The following PCDH15 variants were observed in gnomAD, a reference collection of about 807,000 sequenced individuals.
PCDH15 encodes the protein protocadherin-15.
PCDH15 carries 129 observed loss-of-function variants against 178.5 expected under a neutral mutation model. The observed-to-expected ratio is 0.72, with a 90% CI of 0.63 to 0.84. PCDH15 has a LOEUF of 0.84. Ranked by LOEUF, PCDH15 falls within the 40% of genes least tolerant of loss-of-function variation. The pLI, the probability that PCDH15 is intolerant of heterozygous loss-of-function variation, is 0.00. For synonymous variants in PCDH15, 800 were observed against 732.0 expected (o/e 1.09, Z -1.50); for missense variants, 2,230 against 2,099.9 (o/e 1.06, Z -1.21).
chr10:53,961,635 TA>T, intron 22 of PCDH15, 116 bp downstream of exon 22: 3 of 748,242 alleles, frequency 4.0e-6, no homozygotes, highest in Non-Finnish European at 3.9e-6. Flanking sequence ...AATTGTAATT[TA>T]AAAAAATTAA....
chr10:53,957,955 G>T (rs1252630254), intron 23 of PCDH15, among the ~76,000 whole-genome samples: 1 of 152,104 alleles, frequency 6.6e-6, no homozygotes, highest in Non-Finnish European at 1.5e-5. Flanking sequence ...ACATGCTATG[G>T]AAGATTTTCT....
At chr10:55,189,910 A>G (rs1413194168) in intron 1 of PCDH15, among the ~76,000 whole-genome samples, 1 of 151,874 alleles carries the variant, frequency 6.6e-6, no homozygotes, top group African/African-American at 2.4e-5. Context: ...AATTATTAAT[A>G]CAATATGCAT....
At chr10:55,334,744 C>A (rs1719616071) in intron 2 of PCDH15, among the ~76,000 whole-genome samples, 1 of 151,952 alleles carries the variant, frequency 6.6e-6, no homozygotes, top group South Asian at 2.1e-4. Flanking sequence ...ATTCCAATAT[C>A]AAAAAATCTA....
At chr10:55,582,624 ATATAT>A (rs1217180611) in intron 2 of PCDH15, among the ~76,000 whole-genome samples, 9 of 62,268 alleles carry the variant, frequency 1.4e-4, no homozygotes, top group African/African-American at 2.5e-4. Flanking sequence ...ATATATATAT[ATATAT>A]TTTTTTTTTT....
rs757916390 is a variant in PCDH15, at chr10:54,093,354, AT to A, written c.1918-3292del. On this transcript the variant is annotated intron_variant, in intron 15 of 37. Transcript: ENST00000644397. Reference sequence around the variant, plus strand: ...TTCCAGGGTCGAGGGTGGTATAATAATTAGGAAGTATTTATAGTTTTTCAGC... The same window carrying A: ...TTCCAGGGTCGAGGGTGGTATAATAATAGGAAGTATTTATAGTTTTTCAGC... 6.0e-4 allele frequency among the ~76,000 whole-genome samples: 91 copies of A among 152,264 alleles called. 1 individual carries two copies. In the Middle Eastern group the frequency reaches 0.01, roughly 17 times the overall value.
chr10:53,822,127 T>A lies in PCDH15; in HGVS notation c.4368-1897A>T, dbSNP rs1420803454. ...GGGTCTGTTTTACACACTGTCGTTGTTGATAGCTGTGTCATAGAGGACTTA... is the reference window on the plus strand; with the variant it reads ...GGGTCTGTTTTACACACTGTCGTTGATGATAGCTGTGTCATAGAGGACTTA... On this transcript the variant is annotated intron_variant, in intron 32 of 37. Transcript: ENST00000644397. 6.2e-7 allele frequency: 1 copy of A among 1,613,330 alleles called. No homozygotes were observed. The highest frequency in any genetic ancestry group is 1.7e-5 in the Admixed American group (1 of 59,986).
chr10:54,341,764 G>A (rs1318732505), intron 6 of PCDH15, among the ~76,000 whole-genome samples: 1 of 152,142 alleles, frequency 6.6e-6, no homozygotes, highest in East Asian at 1.9e-4. Flanking sequence ...TCCAGGCTGA[G>A]GTGGTCTCAG....
intron 1 of PCDH15, among the ~76,000 whole-genome samples, chr10:54,797,202 A>G (rs1278593948): frequency 6.6e-6 from 1 of 151,964 alleles, no homozygotes; most frequent in African/African-American, 2.4e-5. Context: ...GAATGCTTAC[A>G]CTCTAAAAGC....
chr10:54,192,540 A>C (rs1417983392), intron 11 of PCDH15, among the ~76,000 whole-genome samples: 4 of 152,200 alleles, frequency 2.6e-5, no homozygotes, highest in Non-Finnish European at 4.4e-5. Flanking sequence ...ACAATAAAAC[A>C]TCTATCAATT....
chr10:54,584,902 C>T (rs895346363), intron 2 of PCDH15, among the ~76,000 whole-genome samples: 4 of 151,812 alleles, frequency 2.6e-5, no homozygotes, highest in Non-Finnish European at 5.9e-5. Context: ...TAAAACAAAA[C>T]AAGGAAGAAA....
At chr10:53,968,515 G>A (rs969135230) in intron 21 of PCDH15, among the ~76,000 whole-genome samples, 2 of 152,146 alleles carry the variant, frequency 1.3e-5, no homozygotes, top group Middle Eastern at 3.2e-3. Context: ...GCTTCCCCCA[G>A]CACAGAGTTT....
intron 2 of PCDH15, among the ~76,000 whole-genome samples, chr10:55,441,037 A>C (rs1260500021): frequency 6.6e-6 from 1 of 152,178 alleles, no homozygotes; most frequent in East Asian, 1.9e-4. Context: ...CAGGATCCAC[A>C]ATTCAAGATG....
At chr10:53,864,980 A>C (rs1281618414) in intron 27 of PCDH15, among the ~76,000 whole-genome samples, 1 of 151,988 alleles carries the variant, frequency 6.6e-6, no homozygotes, top group Non-Finnish European at 1.5e-5. Context: ...GAGTGCTTGC[A>C]GTCCTAGGTG....
chr10:54,618,317 T>A (rs890245038), intron 2 of PCDH15, among the ~76,000 whole-genome samples: 3 of 152,150 alleles, frequency 2.0e-5, no homozygotes, highest in Admixed American at 2.0e-4. Context: ...TTAGGTTTAG[T>A]TATCTTCCTC....
At chr10:54,693,683 T>A (rs1480402062) in intron 1 of PCDH15, among the ~76,000 whole-genome samples, 1 of 152,126 alleles carries the variant, frequency 6.6e-6, no homozygotes, top group African/African-American at 2.4e-5. Flanking sequence ...TGCTTTCAGA[T>A]GAATAGGGAA....
At chr10:55,452,891 T>C (rs1406303872) in intron 2 of PCDH15, among the ~76,000 whole-genome samples, 1 of 152,182 alleles carries the variant, frequency 6.6e-6, no homozygotes, top group African/African-American at 2.4e-5. Flanking sequence ...GAGTATATAC[T>C]ATTTCTTAAA....
chr10:54,766,048 G>A (rs1439350919), intron 1 of PCDH15, among the ~76,000 whole-genome samples: 3 of 152,030 alleles, frequency 2.0e-5, no homozygotes, highest in African/African-American at 7.2e-5. Context: ...GTGTCTTTGT[G>A]TGAAATATAG....
At chr10:53,822,280 TTGGAAA>T (rs751688073) in intron 32 of PCDH15, 2 of 1,610,302 alleles carry the variant, frequency 1.2e-6, no homozygotes, top group East Asian at 4.5e-5. Context: ...GGAAGAGGAG[TTGGAAA>T]TGGAGGTAGA....
At chr10:54,323,967 T>C (rs1017257463) in intron 7 of PCDH15, among the ~76,000 whole-genome samples, 32 of 152,152 alleles carry the variant, frequency 2.1e-4, no homozygotes, top group Non-Finnish European at 4.4e-4. Flanking sequence ...AATTATATTA[T>C]CATTTATAGC....
Sources: allele counts gnomAD v4.1 joint callset (sites outside exome capture counted in the v4.1 genomes callset), GRCh38; gene constraint gnomAD v4.1.1; transcripts MANE v1.5; gene names NCBI Gene and HGNC (gene_info 2026-07-23, HGNC 2026-07-21).